IMPACT: variants seen among roughly 807,000 people sequenced by gnomAD.
IMPACT encodes protein IMPACT.
IMPACT carries 35 observed loss-of-function variants against 47.5 expected under a neutral mutation model. The ratio of observed to expected loss-of-function variants is 0.74; its 90% CI spans 0.56 to 0.98. The LOEUF is 0.98. IMPACT is among the 50% of genes least tolerant of loss of function. The probability of loss-of-function intolerance (pLI) is 0.00; values close to 1 mark genes in which losing one functional copy is unlikely to be tolerated. For synonymous variants in IMPACT, 118 were observed against 125.6 expected (o/e 0.94, Z 0.40); for missense variants, 373 against 394.8 (o/e 0.94, Z 0.47).
Position 24,426,673 on chromosome 18 carries a change from C to A in IMPACT, c.-84C>A. The A allele has an allele frequency of 9.4e-7, 1 of 1,060,258 alleles. No individual in the cohort carries two copies. 65.7% of individuals were successfully genotyped at this position (1,060,258 alleles called of 1,614,324 possible). A position where few individuals can be genotyped will look rare whatever the true frequency, so the allele number is the denominator to read the frequency against. On this transcript the variant is annotated 5_prime_UTR_variant, in exon 1 of 11. Coordinates refer to ENST00000284202, the MANE Select transcript of IMPACT (RefSeq NM_018439.4). ...GTTCCGGGTCGGGCCGCGCCGCAGCCAGCTCTCGGCTCGCAGCCGCAGCGC... is the reference window on the plus strand; with the variant it reads ...GTTCCGGGTCGGGCCGCGCCGCAGCAAGCTCTCGGCTCGCAGCCGCAGCGC...
intron 9 of IMPACT, 152 bp downstream of exon 9, chr18:24,448,335 G>C: frequency 2.1e-6 from 1 of 483,218 alleles, no homozygotes; most frequent in Non-Finnish European, 3.7e-6. Flanking sequence ...AATATTGATT[G>C]AATGAAAATT....
At chr18:24,450,222 A>G (rs766039733) in intron 10 of IMPACT, among the ~76,000 whole-genome samples, 12 of 152,174 alleles carry the variant, frequency 7.9e-5, no homozygotes, top group Non-Finnish European at 1.2e-4. Context: ...AGAATTTTAT[A>G]ATTAGAAAAA....
intron 6 of IMPACT, among the ~76,000 whole-genome samples, chr18:24,442,578 C>A (rs541793711): frequency 2.0e-5 from 3 of 152,264 alleles, no homozygotes; most frequent in African/African-American, 7.2e-5. Flanking sequence ...GTTTCATTAG[C>A]AGAAGGCATT....
intron 8 of IMPACT, among the ~76,000 whole-genome samples, chr18:24,445,784 T>C (rs1347671039): frequency 6.6e-6 from 1 of 152,224 alleles, no homozygotes; most frequent in African/African-American, 2.4e-5. Context: ...CATATTGTTA[T>C]AACTGCTTGA....
In IMPACT at chr18:24,452,477, A is replaced by T. The variant is rs549216662; in HGVS notation, c.*1630A>T. On this transcript the variant is annotated 3_prime_UTR_variant, in exon 11 of 11. Transcript: ENST00000284202. ...ATAATTTCACAATTTCAACATGTCA[A>T]ACCTATGAAGGGAGATAGGAAACAA... The T allele has an allele frequency of 2.0e-5, 3 of 152,132 alleles. No homozygotes were observed. Among genetic ancestry groups the T allele is most frequent in the Non-Finnish European group, 1.5e-5 (1 of 68,030 alleles). 9.4% of individuals were successfully genotyped at this position (152,132 alleles called of 1,614,324 possible). A position where few individuals can be genotyped will look rare whatever the true frequency, so the allele number is the denominator to read the frequency against.
chr18:24,433,483 G>A (rs1418110606), intron 4 of IMPACT, among the ~76,000 whole-genome samples: 10 of 150,718 alleles, frequency 6.6e-5, no homozygotes, highest in Admixed American at 2.6e-4. Context: ...ACAGGCGTGA[G>A]CCACCGCGCC....
At chr18:24,438,667 ATGTTGCCCAGG>A (rs1909011633) in intron 5 of IMPACT, among the ~76,000 whole-genome samples, 1 of 152,090 alleles carries the variant, frequency 6.6e-6, no homozygotes, top group Non-Finnish European at 1.5e-5. Flanking sequence ...AGGTCTCCCT[ATGTTGCCCAGG>A]CTGATCTCAA....
intron 1 of IMPACT, 161 bp downstream of exon 1, chr18:24,426,953 C>T (rs1165944411): frequency 6.1e-6 from 3 of 494,228 alleles, no homozygotes; most frequent in Non-Finnish European, 9.5e-6. Flanking sequence ...CCGGCGCTTC[C>T]CGTCGGCCGA....
At chr18:24,440,989 A>C (rs570001394) in intron 6 of IMPACT, among the ~76,000 whole-genome samples, 4 of 152,362 alleles carry the variant, frequency 2.6e-5, no homozygotes, top group East Asian at 3.9e-4. Flanking sequence ...TGTGCTCACA[A>C]ATACAAATAT....
At chr18:24,442,341 C>T (rs1316495937) in intron 6 of IMPACT, among the ~76,000 whole-genome samples, 7 of 151,776 alleles carry the variant, frequency 4.6e-5, no homozygotes, top group African/African-American at 9.7e-5. Flanking sequence ...TTAGTAGAGA[C>T]GGGGGTTTCA....
chr18:24,433,802 C>T (rs548053193), intron 4 of IMPACT, among the ~76,000 whole-genome samples: 16 of 151,420 alleles, frequency 1.1e-4, no homozygotes, highest in Non-Finnish European at 1.9e-4. Context: ...TCCTGAGTAG[C>T]TGGGATTACA....
chr18:24,449,764 C>T, intron 9 of IMPACT, 55 bp from the exon 10 acceptor site: 3 of 1,489,134 alleles, frequency 2.0e-6, no homozygotes, highest in South Asian at 1.2e-5. Flanking sequence ...TTTTTTAAAA[C>T]TCATATTTAT....
chr18:24,445,451 A>G lies in IMPACT; in HGVS notation c.653A>G (p.Asn218Ser). The change falls in exon 8 of 11, where the codon AAC becomes AGC. Residue 218 changes from asparagine (N) to serine (S), a missense_variant. By Grantham distance (46) the Asn-to-Ser change is conservative. Coordinates refer to ENST00000284202, the MANE Select transcript of IMPACT (RefSeq NM_018439.4). ...AAGAAAATAGCTAGTGCCACCCACA[A>G]CATCTATGCCTACAGGTGAGTAATC... ...ENKKIASATH[N>S]IYAYRIYCED... The G allele has an allele frequency of 6.2e-7, 1 of 1,603,100 alleles. No homozygotes were observed. Among genetic ancestry groups the G allele is most frequent in the African/African-American group, 1.3e-5 (1 of 74,742 alleles).
At chr18:24,427,897 T>A (rs1453531970) in intron 1 of IMPACT, 22 bp from the exon 2 acceptor site, 12 of 1,591,314 alleles carry the variant, frequency 7.5e-6, no homozygotes, top group Non-Finnish European at 1.0e-5. Flanking sequence ...TTGTTGACTT[T>A]TAAAAAATCA....
intron 5 of IMPACT, chr18:24,439,692 A>T (rs1406819857): frequency 6.6e-6 from 1 of 151,342 alleles, no homozygotes; most frequent in African/African-American, 2.4e-5. Context: ...CGCACCTGTA[A>T]TTGCAGCTAC....
intron 8 of IMPACT, among the ~76,000 whole-genome samples, chr18:24,447,386 T>A (rs1034658535): frequency 2.6e-5 from 4 of 152,268 alleles, no homozygotes; most frequent in African/African-American, 9.6e-5. Context: ...TAACTGACAC[T>A]ATTTTTTTTT....
At chr18:24,444,201 T>G (rs1257838416) in intron 7 of IMPACT, among the ~76,000 whole-genome samples, 1 of 152,246 alleles carries the variant, frequency 6.6e-6, no homozygotes, top group Non-Finnish European at 1.5e-5. Context: ...CCTGAGACAT[T>G]CTAATTCTGA....
At chr18:24,426,865 C>A in intron 1 of IMPACT, 73 bp downstream of exon 1, 1 of 1,089,384 alleles carries the variant, frequency 9.2e-7, no homozygotes, top group Non-Finnish European at 1.2e-6. Context: ...CCTCCTCAGC[C>A]GAGGGGCCCT....
Position 24,430,374 on chromosome 18 carries a change from G to T in IMPACT, c.271G>T (p.Glu91Ter), listed in dbSNP as rs757852439. The T allele has an allele frequency of 6.3e-7, 1 of 1,597,918 alleles. No homozygotes were observed. The highest frequency in any genetic ancestry group is 8.5e-7 in the Non-Finnish European group (1 of 1,174,122). ...TGCGGATTTATCAAATAGCCTTGAG[G>T]AAATATATATGTAAGTGACAGGCGA... Reference protein sequence around the residue: ...ERADLSNSLEEIYIQNIGESI... With the variant: ...ERADLSNSLE The change falls in exon 4 of 11, where the codon GAA (glutamate) becomes TAA (stop). Residue 91 changes from glutamate to a stop codon, truncating the protein, a stop_gained. Coordinates refer to ENST00000284202, the MANE Select transcript of IMPACT (RefSeq NM_018439.4). LOFTEE classifies it high-confidence loss of function.
Sources: allele counts gnomAD v4.1 joint callset (sites outside exome capture counted in the v4.1 genomes callset), GRCh38; gene constraint gnomAD v4.1.1; transcripts MANE v1.5; gene names NCBI Gene and HGNC (gene_info 2026-07-23, HGNC 2026-07-21).